HDAC8: variants seen among roughly 807,000 people sequenced by gnomAD.
The protein encoded by HDAC8 is histone deacetylase 8, also known as histone deacetylase-like 1.
Under a neutral mutation model 32.2 loss-of-function variants are expected in HDAC8, and 1 was observed. The ratio of observed to expected loss-of-function variants is 0.03; its 90% CI spans 0.01 to 0.15. The LOEUF is 0.15. HDAC8 is among the 10% of genes least tolerant of loss of function. The pLI, the probability that HDAC8 is intolerant of heterozygous loss-of-function variation, is 1.00. For missense variants in HDAC8, 117 were observed against 300.0 expected (o/e 0.39, Z 4.51); for synonymous variants, 108 against 113.9 (o/e 0.95, Z 0.33).
chrX:72,562,685 A>AT (rs1569408293), intron 4 of HDAC8, among the ~76,000 whole-genome samples: 2 of 110,632 alleles, frequency 1.8e-5, no homozygotes, highest in Admixed American at 9.7e-5. Context: ...GAAATAAAAA[A>AT]ATATATATAT....
At chrX:72,490,897 T>A (rs1309276302) in intron 6 of HDAC8, 32 bp downstream of exon 6, 2 of 1,018,956 alleles carry the variant, frequency 2.0e-6, no homozygotes, top group Non-Finnish European at 2.8e-6. Context: ...TATTTAGTCA[T>A]CAAATGTAAT....
At chrX:72,394,129 C>T (rs189320497) in intron 9 of HDAC8, among the ~76,000 whole-genome samples, 1 of 111,701 alleles carries the variant, frequency 9.0e-6, no homozygotes, top group Admixed American at 9.4e-5. Context: ...TATATAAACA[C>T]AAGGGTTTTT....
At chrX:72,467,877 A>G in intron 7 of HDAC8, 1 of 933,855 alleles carries the variant, frequency 1.1e-6, no homozygotes, top group Non-Finnish European at 1.5e-6. Flanking sequence ...AAAAGCATAT[A>G]CATATAACAT....
intron 10 of HDAC8, among the ~76,000 whole-genome samples, chrX:72,338,760 A>G (rs1053484026): frequency 6.9e-5 from 7 of 102,134 alleles, no homozygotes; most frequent in African/African-American, 2.5e-4. Flanking sequence ...TCACTTTTAA[A>G]CCTTCAGGCC....
At chrX:72,436,084 G>A (rs2046943295) in intron 9 of HDAC8, among the ~76,000 whole-genome samples, 2 of 111,019 alleles carry the variant, frequency 1.8e-5, no homozygotes, top group South Asian at 7.7e-4. Context: ...GGTCCTGTGT[G>A]ACAAGAAAAG....
chrX:72,453,261 A>G (rs1847283393), intron 9 of HDAC8, among the ~76,000 whole-genome samples: 1 of 109,395 alleles, frequency 9.1e-6, no homozygotes, highest in African/African-American at 3.3e-5. Flanking sequence ...AGCCTGGACA[A>G]CAGCCTGGGC....
intron 8 of HDAC8, among the ~76,000 whole-genome samples, chrX:72,463,380 T>C (rs1400540415): frequency 8.9e-6 from 1 of 111,844 alleles, no homozygotes; most frequent in Non-Finnish European, 1.9e-5. Context: ...TATTCAAATG[T>C]CAAAACTTTG....
chrX:72,351,520 G>T (rs960850258), intron 10 of HDAC8, among the ~76,000 whole-genome samples: 3 of 112,571 alleles, frequency 2.7e-5, no homozygotes, highest in African/African-American at 6.5e-5. Context: ...TTGTCCTTCT[G>T]AGGTGACATT....
At chrX:72,551,014 T>C (rs782526600) in intron 4 of HDAC8, among the ~76,000 whole-genome samples, 27 of 109,305 alleles carry the variant, frequency 2.5e-4, no homozygotes, top group Non-Finnish European at 3.8e-4. Context: ...AGCAATTCAA[T>C]GCAAATCTGT....
At chrX:72,355,166 C>G (rs1322628068) in intron 9 of HDAC8, among the ~76,000 whole-genome samples, 3 of 112,299 alleles carry the variant, frequency 2.7e-5, no homozygotes, top group African/African-American at 9.7e-5. Context: ...GGTCCTGCCA[C>G]TTGTTACTTA....
At position 72,396,479 on chromosome X, in the gene HDAC8, CA is replaced by C. The variant is rs781866093; in HGVS notation, c.1006-44642del. The stretch of plus-strand genomic sequence containing the variant: ...AGAGTTTTTAAAAATTTTTTTCTTT[CA>C]AAAAAAGTTAATTATTTAAGTTGAC... On this transcript the variant is annotated intron_variant, in intron 9 of 10. Transcript: ENST00000373573. 4.4e-3 allele frequency among the ~76,000 whole-genome samples: 487 copies of C among 111,537 alleles called. 3 individuals carry two copies. Among genetic ancestry groups the C allele is most frequent in the Non-Finnish European group, 6.8e-3 (359 of 52,981 alleles).
At chrX:72,459,652 T>C (rs2047815176) in intron 9 of HDAC8, among the ~76,000 whole-genome samples, 1 of 111,776 alleles carries the variant, frequency 8.9e-6, no homozygotes, top group Non-Finnish European at 1.9e-5. Flanking sequence ...TTATTCTTTT[T>C]CTGCTCTGTA....
intron 10 of HDAC8, among the ~76,000 whole-genome samples, chrX:72,330,659 G>A (rs185815828): frequency 6.0e-4 from 67 of 110,816 alleles, no homozygotes; most frequent in African/African-American, 1.9e-3. Flanking sequence ...AAATCCTACC[G>A]GACTGGGCTC....
intron 4 of HDAC8, among the ~76,000 whole-genome samples, chrX:72,549,006 C>T (rs1303891000): frequency 8.9e-6 from 1 of 112,005 alleles, no homozygotes; most frequent in African/African-American, 3.2e-5. Flanking sequence ...TGTTTATGTA[C>T]TGTGGTACAT....
At chrX:72,401,978 T>A (rs1205934233) in intron 9 of HDAC8, among the ~76,000 whole-genome samples, 3 of 112,306 alleles carry the variant, frequency 2.7e-5, no homozygotes, top group Admixed American at 9.4e-5. Flanking sequence ...AGCCATCTAG[T>A]CTTGTGCCTT....
chrX:72,460,288 C>T (rs930872377), intron 9 of HDAC8, among the ~76,000 whole-genome samples: 1 of 110,484 alleles, frequency 9.1e-6, no homozygotes, highest in African/African-American at 3.3e-5. Context: ...AGGCGTGCAC[C>T]ACCACGCCCA....
chrX:72,467,754 T>G, intron 7 of HDAC8: 2 of 389,118 alleles, frequency 5.1e-6, no homozygotes, highest in Middle Eastern at 7.0e-4. Context: ...TGAAGGTTGA[T>G]GAGGGCTTTT....
At chrX:72,436,072 A>G (rs1555979117) in intron 9 of HDAC8, among the ~76,000 whole-genome samples, 1 of 111,600 alleles carries the variant, frequency 9.0e-6, no homozygotes, top group Non-Finnish European at 1.9e-5. Flanking sequence ...ACAGAGTCTC[A>G]GGGTCCTGTG....
intron 7 of HDAC8, among the ~76,000 whole-genome samples, chrX:72,487,477 AAAG>A (rs782775342): frequency 1.1e-4 from 12 of 111,287 alleles, no homozygotes; most frequent in Non-Finnish European, 2.3e-4. Context: ...GATGGGAGAT[AAAG>A]AAGATCTCAG....
Sources: gnomAD v4.1 joint callset for allele counts (sites outside exome capture counted in the v4.1 genomes callset) on GRCh38, gnomAD v4.1.1 for gene constraint, MANE v1.5 for transcripts, NCBI Gene and HGNC (gene_info 2026-07-23, HGNC 2026-07-21) for gene names.